ERC1: variants seen among roughly 807,000 people sequenced by gnomAD.
ERC1 encodes the protein RAB6 interacting protein 2.
A neutral mutation model predicts 132.0 loss-of-function variants in ERC1; 56 were observed. The observed-to-expected ratio is 0.42, with a 90% CI of 0.34 to 0.53. The LOEUF is 0.53. ERC1 is among the 20% of genes least tolerant of loss of function. The pLI is 0.03. For missense variants in ERC1, 1,202 were observed against 1,349.9 expected (o/e 0.89, Z 1.72); for synonymous variants, 478 against 476.1 (o/e 1.00, Z -0.05).
chr12:1,180,253 A>ATGTGTG (rs3216970), intron 8 of ERC1, among the ~76,000 whole-genome samples: 3,934 of 146,670 alleles, frequency 0.027, 163 homozygotes, highest in African/African-American at 0.09. Context: ...TTTGTTAGGG[A>ATGTGTG]TGTGTGTGTG....
intron 13 of ERC1, among the ~76,000 whole-genome samples, chr12:1,254,229 TTAAG>T (rs1210020721): frequency 6.6e-6 from 1 of 152,210 alleles, no homozygotes; most frequent in Non-Finnish European, 1.5e-5. Flanking sequence ...TAGATAGCTA[TTAAG>T]TGAGATGTCT....
Position 1,266,267 on chromosome 12 carries a change from T to A in ERC1, c.2619+3102T>A, listed in dbSNP as rs140986180. ...TGAAATATTGCATGAGACCAGTTATTTGAACTTTAAGTGGTTCAAGGTATG... is the reference window on the plus strand; with the variant it reads ...TGAAATATTGCATGAGACCAGTTATATGAACTTTAAGTGGTTCAAGGTATG... On this transcript the variant is annotated intron_variant, in intron 14 of 18. Coordinates refer to ENST00000360905, the MANE Select transcript of ERC1 (RefSeq NM_178040.4). Among the ~76,000 whole-genome samples the A allele has an allele frequency of 2.5e-3, 380 of 152,290 alleles. 2 individuals carry two copies. In the Middle Eastern group the frequency reaches 0.041, roughly 16 times the overall value.
At chr12:1,155,515 G>A (rs2968884) in intron 8 of ERC1, among the ~76,000 whole-genome samples, 44,654 of 150,942 alleles carry the variant, frequency 0.3, 7,278 homozygotes, top group African/African-American at 0.42. Flanking sequence ...TCGCTCTGTC[G>A]CCCAGGCTGG....
At chr12:1,042,354 TTTC>T (rs1413608097) in intron 2 of ERC1, among the ~76,000 whole-genome samples, 19 of 143,174 alleles carry the variant, frequency 1.3e-4, no homozygotes, top group Admixed American at 4.3e-4. Flanking sequence ...TTTTTTTTTT[TTTC>T]TTTTTTTGAA....
rs1189983965 is a variant in ERC1 at position 1,164,277 on chromosome 12, TTA to T, written c.1738-16261_1738-16260del. 3.6e-3 allele frequency among the ~76,000 whole-genome samples: 539 copies of T among 150,938 alleles called. 7 individuals carry two copies. The highest frequency in any genetic ancestry group is 0.012 in the African/African-American group (513 of 41,046). The stretch of plus-strand genomic sequence containing the variant: ...TTTTATTTTATTTTATGTTGTTATT[TTA>T]TGTTATTTTATTTTGTTATTTTATT... On this transcript the variant is annotated intron_variant, in intron 8 of 18. Coordinates refer to ENST00000360905, the MANE Select transcript of ERC1 (RefSeq NM_178040.4).
At chr12:1,385,528 G>A (rs1381785287) in intron 16 of ERC1, among the ~76,000 whole-genome samples, 1 of 152,032 alleles carries the variant, frequency 6.6e-6, no homozygotes, top group Non-Finnish European at 1.5e-5. Flanking sequence ...TCGTGATAAC[G>A]CCCGCCTCAG....
chr12:1,071,031 G>A (rs7976103), intron 2 of ERC1, among the ~76,000 whole-genome samples: 7,973 of 152,248 alleles, frequency 0.052, 299 homozygotes, highest in African/African-American at 0.1. Context: ...TGTATCCATA[G>A]TTATCCTTTT....
intron 18 of ERC1, among the ~76,000 whole-genome samples, chr12:1,465,990 T>A (rs2093735211): frequency 1.3e-5 from 2 of 152,194 alleles, no homozygotes; most frequent in Non-Finnish European, 2.9e-5. Flanking sequence ...CATATCCTGA[T>A]GTCTGGAGTT....
intron 18 of ERC1, among the ~76,000 whole-genome samples, chr12:1,475,140 C>CT (rs1464968620): frequency 2.6e-5 from 4 of 152,208 alleles, no homozygotes; most frequent in Non-Finnish European, 5.9e-5. Flanking sequence ...CCCTTAAGAA[C>CT]TTTAAACACA....
Position 1,398,675 on chromosome 12 carries a change from T to C in ERC1, c.2926-9474T>C, listed in dbSNP as rs1158781171. ...ATGCTGCTATAACAAAGTCGGTAGG[T>C]AGGTAGATTATAAAGAACAGAAATT... On this transcript the variant is annotated intron_variant, in intron 16 of 18. Coordinates refer to ENST00000360905, the MANE Select transcript of ERC1 (RefSeq NM_178040.4). 2.0e-5 allele frequency among the ~76,000 whole-genome samples: 3 copies of C among 152,252 alleles called. 1 individual carries two copies. Among genetic ancestry groups the C allele is most frequent in the African/African-American group, 7.2e-5 (3 of 41,556 alleles).
At chr12:1,025,915 G>A (rs12424343) in intron 1 of ERC1, among the ~76,000 whole-genome samples, 6 of 150,088 alleles carry the variant, frequency 4.0e-5, no homozygotes, top group Admixed American at 1.3e-4. Flanking sequence ...TTATGCCTCA[G>A]CCTCCTGAGT....
intron 12 of ERC1, among the ~76,000 whole-genome samples, chr12:1,211,049 G>A (rs535190752): frequency 6.6e-6 from 1 of 151,766 alleles, no homozygotes; most frequent in South Asian, 2.1e-4. Flanking sequence ...GTTTGTTATT[G>A]TAAGTTTCTA....
At chr12:1,113,093 G>A (rs7310001) in intron 6 of ERC1, among the ~76,000 whole-genome samples, 40,539 of 151,828 alleles carry the variant, frequency 0.27, 5,755 homozygotes, top group African/African-American at 0.36. Context: ...ATTGTATTAC[G>A]TATTACAAGT....
At chr12:1,392,613 G>GGT (rs2090068305) in intron 16 of ERC1, among the ~76,000 whole-genome samples, 1 of 151,860 alleles carries the variant, frequency 6.6e-6, no homozygotes, top group Non-Finnish European at 1.5e-5. Context: ...GTCCTTAATG[G>GGT]GTATTCATTT....
intron 15 of ERC1, among the ~76,000 whole-genome samples, chr12:1,364,139 C>A (rs1933414398): frequency 6.6e-6 from 1 of 152,320 alleles, no homozygotes; most frequent in Non-Finnish European, 1.5e-5. Flanking sequence ...AGCAGTCTTT[C>A]ATTTAGAGTC....
At chr12:1,189,758 T>A in intron 11 of ERC1, 101 bp from the exon 12 acceptor site, 1 of 889,466 alleles carries the variant, frequency 1.1e-6, no homozygotes, top group Non-Finnish European at 1.7e-6. Context: ...AGATATTTGA[T>A]AATTCTGTAC....
At chr12:1,151,655 C>T (rs920306211) in intron 8 of ERC1, among the ~76,000 whole-genome samples, 1 of 152,180 alleles carries the variant, frequency 6.6e-6, no homozygotes, top group African/African-American at 2.4e-5. Context: ...AGGCACTTTT[C>T]TATGTGAATT....
intron 9 of ERC1, among the ~76,000 whole-genome samples, chr12:1,181,300 G>A (rs1044175261): frequency 6.6e-6 from 1 of 152,086 alleles, no homozygotes; most frequent in Non-Finnish European, 1.5e-5. Flanking sequence ...AATATATAGA[G>A]AAGAAATATT....
intron 10 of ERC1, 83 bp from the exon 11 acceptor site, chr12:1,183,198 T>G: frequency 1.1e-6 from 1 of 888,188 alleles, no homozygotes; most frequent in Non-Finnish European, 1.6e-6. Context: ...GAAAGGAAAT[T>G]ACAGCTACCA....
Sources: allele counts gnomAD v4.1 joint callset (sites outside exome capture counted in the v4.1 genomes callset), GRCh38; gene constraint gnomAD v4.1.1; transcripts MANE v1.5; gene names NCBI Gene and HGNC (gene_info 2026-07-23, HGNC 2026-07-21).